Variants in PTPRZ1 observed in about 807,000 individuals in gnomAD.
PTPRZ1 encodes the protein receptor-type tyrosine-protein phosphatase zeta.
A neutral mutation model predicts 214.1 loss-of-function variants in PTPRZ1; 82 were observed. The observed-to-expected ratio is 0.38, with a 90% CI of 0.32 to 0.46. The LOEUF (loss-of-function observed/expected upper bound fraction) is 0.46, where lower values mean the gene tolerates loss of function less well. Among genes scored for constraint, PTPRZ1 ranks in the 20% least tolerant of loss-of-function variants. The pLI is 1.00. For synonymous variants in PTPRZ1, 945 were observed against 987.9 expected, an observed-to-expected ratio of 0.96 and a Z score of 0.81; for missense variants, 2,603 against 2,748.7, an observed-to-expected ratio of 0.95 and a Z score of 1.19.
chr7:122,044,952 T>C (rs1799842942), intron 23 of PTPRZ1, among the ~76,000 whole-genome samples: 1 of 151,750 alleles, frequency 6.6e-6, no homozygotes, highest in Non-Finnish European at 1.5e-5. Flanking sequence ...CTGTTCCTGA[T>C]ACTCTTTGGA....
At chr7:121,993,239 G>A (rs973317812) in intron 8 of PTPRZ1, among the ~76,000 whole-genome samples, 2 of 152,056 alleles carry the variant, frequency 1.3e-5, no homozygotes, top group Admixed American at 1.3e-4. Flanking sequence ...ACTTTACAGA[G>A]TAGGTATGCT....
At chr7:122,051,274 A>T (rs1792173468) in intron 23 of PTPRZ1, among the ~76,000 whole-genome samples, 154 bp from the exon 24 acceptor site, 1 of 152,188 alleles carries the variant, frequency 6.6e-6, no homozygotes, top group South Asian at 2.1e-4. Flanking sequence ...ACAAGGTTAA[A>T]TTCAAGGAAT....
chr7:122,040,535 A>C (rs766677325), intron 20 of PTPRZ1, among the ~76,000 whole-genome samples: 1 of 152,218 alleles, frequency 6.6e-6, no homozygotes, highest in Non-Finnish European at 1.5e-5. Context: ...GCTGACTTAC[A>C]TGTTAATCAC....
At chr7:122,056,533 A>T (rs1338564497) in intron 27 of PTPRZ1, among the ~76,000 whole-genome samples, 1 of 151,832 alleles carries the variant, frequency 6.6e-6, no homozygotes, top group Non-Finnish European at 1.5e-5. Flanking sequence ...ATCACATTTG[A>T]GGTTAGTAGA....
At chr7:121,973,880 G>C (rs1170057660) in intron 4 of PTPRZ1, among the ~76,000 whole-genome samples, 7 of 133,372 alleles carry the variant, frequency 5.2e-5, no homozygotes, top group Non-Finnish European at 7.7e-5. Context: ...GTTGCAGTGA[G>C]CCAAGATCAC....
rs1441494086 is a variant in PTPRZ1 at position 122,036,650 on chromosome 7, C to A, written c.5335C>A (p.Leu1779Met). Residue 1779 changes from leucine to methionine, a missense_variant, in exon 18 of 30, where the codon CTG becomes ATG. Coordinates refer to ENST00000393386, the MANE Select transcript of PTPRZ1 (RefSeq NM_002851.3). ...ACAGCTTGCTGAAAAGGATGGCAAA[C>A]TGACTGATTATATCAATGCCAATTA... The part of the protein sequence containing the change: ...LAQLAEKDGK[L>M]TDYINANYVD... The A allele has an allele frequency of 6.2e-7, 1 of 1,608,488 alleles. No homozygotes were observed. The highest frequency in any genetic ancestry group is 8.5e-7 in the Non-Finnish European group (1 of 1,175,110).
intron 1 of PTPRZ1, among the ~76,000 whole-genome samples, chr7:121,874,578 G>A (rs1051186659): frequency 1.3e-5 from 2 of 152,122 alleles, no homozygotes; most frequent in African/African-American, 4.8e-5. Context: ...GATATTAAGC[G>A]TACATTTTCA....
intron 2 of PTPRZ1, among the ~76,000 whole-genome samples, chr7:121,958,200 T>C (rs1170236452): frequency 6.6e-6 from 1 of 152,242 alleles, no homozygotes; most frequent in African/African-American, 2.4e-5. Flanking sequence ...GAATTGCAAG[T>C]CTATCATTTC....
chr7:121,882,291 T>C (rs1170253033), intron 1 of PTPRZ1, among the ~76,000 whole-genome samples: 1 of 152,202 alleles, frequency 6.6e-6, no homozygotes, highest in Non-Finnish European at 1.5e-5. Flanking sequence ...TCATACATGA[T>C]GGAGTTTCTG....
intron 5 of PTPRZ1, 117 bp downstream of exon 5, chr7:121,976,385 C>A: frequency 1.5e-6 from 1 of 647,222 alleles, no homozygotes. Context: ...AAAATTAAAA[C>A]TGGTGGTCAT....
intron 11 of PTPRZ1, among the ~76,000 whole-genome samples, chr7:122,009,631 G>A (rs1273105280): frequency 6.6e-6 from 1 of 151,910 alleles, no homozygotes. Flanking sequence ...CTTCTAGCTA[G>A]AAGACTAGAC....
rs754428779 is a variant in PTPRZ1 at position 122,011,176 on chromosome 7, G to A, written c.2130G>A (p.Met710Ile). 1 of 1,614,102 alleles carries A rather than the reference G, an allele frequency of 6.2e-7. No individual in the cohort carries two copies. Among genetic ancestry groups the A allele is most frequent in the East Asian group, 2.2e-5 (1 of 44,872 alleles). Residue 710 changes from methionine (M) to isoleucine (I), a missense_variant, in exon 12 of 30, where the codon ATG becomes ATA. By Grantham distance (10) the Met-to-Ile change is conservative (BLOSUM62 1). Around this residue, in one of 6 missense-constraint regions of PTPRZ1, gnomAD observed 1,913 missense variants for 1,914.3 expected, o/e 1.00. Coordinates refer to ENST00000393386, the MANE Select transcript of PTPRZ1 (RefSeq NM_002851.3). The part of the protein sequence containing the change: ...SQGPSVTDLE[M>I]PHYSTFAYFP... ...GTCCCTCAGTTACAGATCTGGAAAT[G>A]CCACATTATTCTACCTTTGCCTACT...
chr7:122,012,029 G>A lies in PTPRZ1; in HGVS notation c.2983G>A (p.Glu995Lys), dbSNP rs1284975190. Residue 995 changes from glutamate to lysine, a missense_variant, in exon 12 of 30, where the codon GAA becomes AAA. Coordinates refer to ENST00000393386, the MANE Select transcript of PTPRZ1 (RefSeq NM_002851.3). ...TACTCATGCCCTCTCTGGTGATGGG[G>A]AATGGTCTGGAGCCTCTTCTGATAG... ...QPTHALSGDG[E>K]WSGASSDSEF... 1 of 1,614,238 alleles carries A rather than the reference G, an allele frequency of 6.2e-7. No homozygotes were observed. The highest frequency in any genetic ancestry group is 1.7e-5 in the Admixed American group (1 of 60,026).
chr7:121,989,571 G>A lies in PTPRZ1; in HGVS notation c.928+5454G>A, dbSNP rs190517622. On this transcript the variant is annotated intron_variant, in intron 8 of 29. Coordinates refer to ENST00000393386, the MANE Select transcript of PTPRZ1 (RefSeq NM_002851.3). Reference sequence around the variant, plus strand: ...GTATTTTTAGTAGAGACAGGGTTTCGCCATGTTAGTCAGGCTGGTCTTGAA... The same window carrying A: ...GTATTTTTAGTAGAGACAGGGTTTCACCATGTTAGTCAGGCTGGTCTTGAA... Among the ~76,000 whole-genome samples the A allele has an allele frequency of 6.0e-4, 91 of 151,944 alleles. No homozygotes were observed. In the East Asian group the frequency reaches 0.011, roughly 18 times the overall value.
intron 11 of PTPRZ1, 111 bp downstream of exon 11, chr7:122,004,771 CT>C (rs2116635780): frequency 1.7e-6 from 1 of 603,648 alleles, no homozygotes; most frequent in South Asian, 2.0e-5. Flanking sequence ...GTATGATTCA[CT>C]GTTTGTGGGG....
At chr7:122,018,191 G>A (rs892627203) in intron 12 of PTPRZ1, among the ~76,000 whole-genome samples, 6 of 152,130 alleles carry the variant, frequency 3.9e-5, no homozygotes, top group Admixed American at 1.3e-4. Flanking sequence ...CTGTCAGCAT[G>A]CTGTAATGTT....
At position 122,013,887 on chromosome 7, in the gene PTPRZ1, C is replaced by A; in HGVS notation, c.4841C>A (p.Ala1614Glu). 6.2e-7 allele frequency: 1 copy of A among 1,600,340 alleles called. No homozygotes were observed. Among genetic ancestry groups the A allele is most frequent in the Admixed American group, 1.7e-5 (1 of 58,820 alleles). The change falls in exon 12 of 30, where the codon GCA becomes GAA. Residue 1614 changes from alanine to glutamate, a missense_variant and splice_region_variant. By Grantham distance (107) the Ala-to-Glu change is moderately radical (BLOSUM62 -1). Around this residue, in one of 6 missense-constraint regions of PTPRZ1, gnomAD observed 1,913 missense variants for 1,914.3 expected, o/e 1.00. Transcript: ENST00000393386. ...ENSEVFHVSE[A>E]EASNSSHESR... ...TCAGAAGTGTTCCACGTTTCAGAGGCAGGTTAGTTACGGATCAGAAGGACA... is the reference window on the plus strand; with the variant it reads ...TCAGAAGTGTTCCACGTTTCAGAGGAAGGTTAGTTACGGATCAGAAGGACA...
intron 8 of PTPRZ1, 86 bp downstream of exon 8, chr7:121,984,203 C>T (rs1797702111): frequency 8.4e-7 from 1 of 1,187,158 alleles, no homozygotes. Context: ...ATATAGAGGA[C>T]TTAGAGCTTT....
intron 1 of PTPRZ1, among the ~76,000 whole-genome samples, chr7:121,917,353 A>G (rs1349988952): frequency 1.3e-5 from 2 of 152,168 alleles, no homozygotes; most frequent in African/African-American, 2.4e-5. Context: ...ACCCTTGAAT[A>G]TCAGGATTTG....
Sources: gnomAD v4.1 joint callset for allele counts (sites outside exome capture counted in the v4.1 genomes callset) on GRCh38, gnomAD v4.1.1 for gene constraint, gnomAD v4.1.1 regional missense constraint, MANE v1.5 for transcripts, NCBI Gene and HGNC (gene_info 2026-07-23, HGNC 2026-07-21) for gene names.